The following USP42 variants were observed in gnomAD, a reference collection of about 807,000 sequenced individuals.
The protein encoded by USP42 is ubiquitin carboxyl-terminal hydrolase 42.
A neutral mutation model predicts 113.0 loss-of-function variants in USP42; 23 were observed. That is an observed-to-expected ratio of 0.20 (90% confidence interval 0.15 to 0.29). USP42 has a LOEUF of 0.29. Ranked by LOEUF, USP42 falls within the 10% of genes least tolerant of loss-of-function variation. The pLI is 1.00. For missense variants in USP42, 2,174 were observed against 1,779.8 expected (o/e 1.22, Z -3.99); for synonymous variants, 933 against 699.0 (o/e 1.33, Z -5.28).
intron 1 of USP42, among the ~76,000 whole-genome samples, chr7:6,105,265 C>A (rs1779201398): frequency 6.9e-6 from 1 of 145,812 alleles, no homozygotes; most frequent in African/African-American, 2.5e-5. Flanking sequence ...GAGGGGGCGG[C>A]GGCCGCGGCG....
chr7:6,153,833 T>C lies in USP42; in HGVS notation c.2279T>C (p.Leu760Pro). The C allele has an allele frequency of 6.5e-7, 1 of 1,541,238 alleles. No homozygotes were observed. Reference protein sequence around the residue: ...PQPGSPAAESLEEPDAAAGLS... With the variant: ...PQPGSPAAESPEEPDAAAGLS... ...CCTGGCAGCCCCGCCGCCGAATCCC[T>C]GGAGGAGCCAGATGCGGCCGCCGGC... Residue 760 changes from leucine (L) to proline (P), a missense_variant, in exon 15 of 18, where the codon CTG becomes CCG. Transcript: ENST00000306177.
chr7:6,082,231 C>T, the USP42 span, among the ~76,000 whole-genome samples: 1 of 151,708 alleles, frequency 6.6e-6, no homozygotes, highest in East Asian at 1.9e-4. Flanking sequence ...CGGGTTCACG[C>T]CATTCTCCTG....
At chr7:6,156,730 GA>G (rs1456086962) in intron 15 of USP42, 23 bp from the exon 16 acceptor site, 1 of 1,517,952 alleles carries the variant, frequency 6.6e-7, no homozygotes, top group Non-Finnish European at 8.8e-7. Context: ...TTAGGGTTTT[GA>G]ATTCTGGCTT....
rs1170103296 is a variant in USP42, at chr7:6,150,322, T to C, written c.2106+20T>C. On this transcript the variant is annotated intron_variant, in intron 13 of 17. Coordinates refer to ENST00000306177, the MANE Select transcript of USP42 (RefSeq NM_032172.3). ...GGAAAGGTGAGTGCACGTCAGGGTCTTCAGCCTCGTTTGTGGCGGTTCCCT... is the reference window on the plus strand; with the variant it reads ...GGAAAGGTGAGTGCACGTCAGGGTCCTCAGCCTCGTTTGTGGCGGTTCCCT... The C allele has an allele frequency of 6.2e-7, 1 of 1,611,422 alleles. No individual in the cohort carries two copies. Among genetic ancestry groups the C allele is most frequent in the Non-Finnish European group, 8.5e-7 (1 of 1,178,362 alleles).
chr7:6,093,406 T>C, the USP42 span, among the ~76,000 whole-genome samples: 498 of 150,312 alleles, frequency 3.3e-3, 33 homozygotes, highest in African/African-American at 0.012. Context: ...ATGCCTCAGA[T>C]TCCCGAGTAA....
Position 6,149,177 on chromosome 7 carries a change from C to T in USP42, c.1387-406C>T, listed in dbSNP as rs954816752. 3.9e-5 allele frequency among the ~76,000 whole-genome samples: 6 copies of T among 152,252 alleles called. No homozygotes were observed. In the East Asian group the frequency reaches 1.2e-3, roughly 29 times the overall value. On this transcript the variant is annotated intron_variant, in intron 12 of 17. Coordinates refer to ENST00000306177, the MANE Select transcript of USP42 (RefSeq NM_032172.3). ...GCTGAAGCAGCCCCTACTCTCCGCC[C>T]ACGTGACCGTCTCCTTTGCTCCGAG...
At chr7:6,091,979 T>TTCTTCC in the USP42 span, among the ~76,000 whole-genome samples, 4 of 21,646 alleles carry the variant, frequency 1.8e-4, no homozygotes, top group South Asian at 1.8e-3. Flanking sequence ...GACGTATTTT[T>TTCTTCC]TCTTCTTCTT....
At chr7:6,088,311 A>G in the USP42 span, among the ~76,000 whole-genome samples, 2 of 150,718 alleles carry the variant, frequency 1.3e-5, no homozygotes, top group Admixed American at 1.3e-4. Flanking sequence ...GCTGGACTGC[A>G]GTGGTGCAAT....
chr7:6,098,182 C>T, the USP42 span, among the ~76,000 whole-genome samples: 3 of 150,218 alleles, frequency 2.0e-5, no homozygotes, highest in Admixed American at 6.6e-5. Flanking sequence ...GGATTACAGG[C>T]GTGAGCCACC....
At chr7:6,130,681 G>T (rs10279137) in intron 3 of USP42, among the ~76,000 whole-genome samples, 11,914 of 151,980 alleles carry the variant, frequency 0.078, 618 homozygotes, top group African/African-American at 0.14. Context: ...TCTGGTGTGG[G>T]TGGAGGTGAG....
intron 1 of USP42, among the ~76,000 whole-genome samples, chr7:6,105,368 G>A (rs1218611722): frequency 1.3e-5 from 2 of 148,782 alleles, no homozygotes; most frequent in African/African-American, 2.4e-5. Flanking sequence ...GCCCCAGCCC[G>A]CCCCTTCGGC....
Position 6,154,065 on chromosome 7 carries a change from G to A in USP42, c.2511G>A (p.Gly837=), listed in dbSNP as rs768329410. 1 of 1,606,112 alleles carries A rather than the reference G, an allele frequency of 6.2e-7. No individual in the cohort carries two copies. The highest frequency in any genetic ancestry group is 8.5e-7 in the Non-Finnish European group (1 of 1,179,316). Residue 837 remains glycine (G), a synonymous_variant, in exon 15 of 18, where the codon GGG becomes GGA. Coordinates refer to ENST00000306177, the MANE Select transcript of USP42 (RefSeq NM_032172.3). The part of the protein sequence containing the change: ...DASPLSQDAK[G]MIAEGPRDSA... ...GCCCGTTGTCCCAGGACGCAAAGGG[G>A]ATGATCGCGGAGGGCCCGCGGGACT...
chr7:6,083,691 CAT>C, the USP42 span, among the ~76,000 whole-genome samples: 3 of 150,848 alleles, frequency 2.0e-5, no homozygotes, highest in African/African-American at 7.4e-5. Flanking sequence ...CACACACACA[CAT>C]GCCCCCACAG....
At chr7:6,109,289 G>C (rs994904255) in intron 1 of USP42, among the ~76,000 whole-genome samples, 4 of 152,174 alleles carry the variant, frequency 2.6e-5, no homozygotes, top group African/African-American at 9.7e-5. Context: ...GTGACGGAGA[G>C]GGTGTTTGGC....
At chr7:6,121,357 C>A (rs1379881533) in intron 3 of USP42, among the ~76,000 whole-genome samples, 1 of 152,166 alleles carries the variant, frequency 6.6e-6, no homozygotes. Flanking sequence ...AGATGACTCA[C>A]ACTTGGTCAT....
At position 6,154,343 on chromosome 7, in the gene USP42, C is replaced by T. The variant is rs1038602703; in HGVS notation, c.2789C>T (p.Pro930Leu). The T allele has an allele frequency of 6.4e-6, 10 of 1,571,858 alleles. No homozygotes were observed. Among genetic ancestry groups the T allele is most frequent in the South Asian group, 2.3e-5 (2 of 86,160 alleles). The change falls in exon 15 of 18, where the codon CCG becomes CTG. Residue 930 changes from proline to leucine, a missense_variant. Pro to Leu is a moderately conservative substitution (Grantham distance 98, BLOSUM62 -3). Transcript: ENST00000306177. The part of the protein sequence containing the change: ...PGERVEDAAA[P>L]KAPGPSPAKE... Reference sequence around the variant, plus strand: ...GAGAGGGTCGAGGACGCCGCGGCGCCGAAAGCCCCAGGCCCTTCCCCAGCG... The same window carrying T: ...GAGAGGGTCGAGGACGCCGCGGCGCTGAAAGCCCCAGGCCCTTCCCCAGCG...
chr7:6,125,244 T>G (rs1305172575), intron 3 of USP42, among the ~76,000 whole-genome samples: 3 of 149,472 alleles, frequency 2.0e-5, no homozygotes, highest in Non-Finnish European at 4.4e-5. Flanking sequence ...ATCCCAGCAC[T>G]TTGAGAGGCT....
At chr7:6,094,996 C>T in the USP42 span, among the ~76,000 whole-genome samples, 10 of 151,246 alleles carry the variant, frequency 6.6e-5, no homozygotes, top group African/African-American at 2.0e-4. Context: ...CCATGTTGGC[C>T]AGGCTGGTCT....
chr7:6,100,612 G>T (rs995371847), upstream of USP42, among the ~76,000 whole-genome samples: 2 of 150,456 alleles, frequency 1.3e-5, 1 homozygote, highest in African/African-American at 5.0e-5. Flanking sequence ...TTACAGGCGG[G>T]AGCCACTGTG....
Sources: gnomAD v4.1 joint callset for allele counts (sites outside exome capture counted in the v4.1 genomes callset) on GRCh38, gnomAD v4.1.1 for gene constraint, MANE v1.5 for transcripts, NCBI Gene and HGNC (gene_info 2026-07-23, HGNC 2026-07-21) for gene names.